Variants in PKNOX1 observed in about 807,000 individuals in gnomAD.
PKNOX1 encodes PBX/knotted 1 homeobox 1.
PKNOX1 carries 15 observed loss-of-function variants against 51.9 expected under a neutral mutation model. The ratio of observed to expected loss-of-function variants is 0.29; its 90% CI spans 0.19 to 0.45. The LOEUF (loss-of-function observed/expected upper bound fraction) is 0.45, where lower values mean the gene tolerates loss of function less well. Ranked by LOEUF, PKNOX1 falls within the 20% of genes least tolerant of loss-of-function variation. The probability of loss-of-function intolerance (pLI) is 1.00; values close to 1 mark genes in which losing one functional copy is unlikely to be tolerated. For synonymous variants in PKNOX1, 219 were observed against 211.1 expected, an observed-to-expected ratio of 1.04 and a Z score of -0.32; for missense variants, 462 against 547.5, an observed-to-expected ratio of 0.84 and a Z score of 1.56.
chr21:42,980,102 G>A (rs1165991121), intron 1 of PKNOX1, among the ~76,000 whole-genome samples: 2 of 152,156 alleles, frequency 1.3e-5, no homozygotes, highest in African/African-American at 4.8e-5. Context: ...GCCAGGTGCG[G>A]TGGCTCACAC....
intron 1 of PKNOX1, among the ~76,000 whole-genome samples, chr21:42,988,248 A>G (rs2059066351): frequency 6.6e-6 from 1 of 151,576 alleles, no homozygotes. Context: ...ATGGGGTTTC[A>G]CTATGTTGGC....
chr21:43,016,703 CTTG>C (rs1235664402), intron 5 of PKNOX1, among the ~76,000 whole-genome samples: 1 of 152,138 alleles, frequency 6.6e-6, no homozygotes, highest in Non-Finnish European at 1.5e-5. Context: ...TGCAGGCTGG[CTTG>C]TTGTGTTTAA....
At chr21:42,997,191 T>C (rs1239394672) in intron 1 of PKNOX1, among the ~76,000 whole-genome samples, 1 of 152,156 alleles carries the variant, frequency 6.6e-6, no homozygotes, top group African/African-American at 2.4e-5. Context: ...CCATATGCTG[T>C]TTATTTCATT....
At chr21:43,000,567 C>T (rs1978707414) in intron 1 of PKNOX1, among the ~76,000 whole-genome samples, 1 of 152,156 alleles carries the variant, frequency 6.6e-6, no homozygotes, top group Non-Finnish European at 1.5e-5. Context: ...TGGGTCCCTC[C>T]CACAACACGT....
At chr21:43,001,841 TC>T (rs907723421) in intron 1 of PKNOX1, among the ~76,000 whole-genome samples, 7 of 151,916 alleles carry the variant, frequency 4.6e-5, no homozygotes, top group African/African-American at 1.7e-4. Flanking sequence ...GCGCCTGTAG[TC>T]CCAGCTACTC....
At chr21:43,010,938 T>C (rs1156701546) in intron 4 of PKNOX1, among the ~76,000 whole-genome samples, 1 of 152,180 alleles carries the variant, frequency 6.6e-6, no homozygotes, top group Non-Finnish European at 1.5e-5. Flanking sequence ...GATTCAGTTC[T>C]CTGCACAGTG....
At position 43,021,480 on chromosome 21, in the gene PKNOX1, G is replaced by A. The variant is rs1601300402; in HGVS notation, c.849+49G>A. The A allele has an allele frequency of 6.5e-7, 1 of 1,535,190 alleles. No individual in the cohort carries two copies. The highest frequency in any genetic ancestry group is 8.8e-7 in the Non-Finnish European group (1 of 1,137,890). ...TGCCTTGCAGCCCTCTGCGACGCTTGCTCTCTGGCTTATGTGTCATGGAAA... is the reference window on the plus strand; with the variant it reads ...TGCCTTGCAGCCCTCTGCGACGCTTACTCTCTGGCTTATGTGTCATGGAAA... On this transcript the variant is annotated intron_variant, in intron 8 of 10. Transcript: ENST00000291547. This position sits in a 1 kb window ranked among gnomAD's most constrained non-coding sequence, Gnocchi z 4.6.
chr21:43,027,604 A>G (rs1416190911), intron 9 of PKNOX1, among the ~76,000 whole-genome samples: 1 of 152,182 alleles, frequency 6.6e-6, no homozygotes, highest in East Asian at 1.9e-4. Flanking sequence ...ATATGAAACA[A>G]TGTCCAGCCT....
intron 7 of PKNOX1, 34 bp downstream of exon 7, chr21:43,018,264 C>A (rs529334855): frequency 2.9e-6 from 4 of 1,387,128 alleles, no homozygotes; most frequent in Non-Finnish European, 4.1e-6. Context: ...GCTTTGGGGG[C>A]GAGTGCTGCC....
intron 1 of PKNOX1, among the ~76,000 whole-genome samples, chr21:42,991,777 C>T (rs2059089098): frequency 6.6e-6 from 1 of 151,838 alleles, no homozygotes; most frequent in South Asian, 2.1e-4. Context: ...TATTGTACAT[C>T]CTAGCAGGGT....
chr21:42,983,569 A>G (rs911371823), intron 1 of PKNOX1, among the ~76,000 whole-genome samples: 5 of 152,070 alleles, frequency 3.3e-5, no homozygotes, highest in African/African-American at 1.2e-4. Flanking sequence ...CCTTTTGACT[A>G]TTTTGAATAA....
At position 42,979,884 on chromosome 21, in the gene PKNOX1, A is replaced by G. The variant is rs570202838; in HGVS notation, c.-57+5220A>G. On this transcript the variant is annotated intron_variant, in intron 1 of 10. Coordinates refer to ENST00000291547, the MANE Select transcript of PKNOX1 (RefSeq NM_004571.5). ...ATCAGTGAAGGATGCTTTTCACTTCAGACATTTAAAAGTGTGCCTTAGAAT... is the reference window on the plus strand; with the variant it reads ...ATCAGTGAAGGATGCTTTTCACTTCGGACATTTAAAAGTGTGCCTTAGAAT... Among the ~76,000 whole-genome samples, 54 of 152,342 alleles carry G rather than the reference A, an allele frequency of 3.5e-4. No homozygotes were observed. In the South Asian group the frequency reaches 8.7e-3, roughly 25 times the overall value.
At chr21:43,024,847 G>C (rs1979923209) in intron 8 of PKNOX1, 24 bp from the exon 9 acceptor site, 1 of 1,503,006 alleles carries the variant, frequency 6.7e-7, no homozygotes, top group Non-Finnish European at 9.3e-7. Context: ...GAAGGCCATG[G>C]TAACCTTCTT....
At chr21:42,974,897 C>G (rs183779445) in intron 1 of PKNOX1, among the ~76,000 whole-genome samples, 14,103 of 147,240 alleles carry the variant, frequency 0.096, 775 homozygotes, top group Non-Finnish European at 0.12. Flanking sequence ...GCGCCTTCAG[C>G]CCAACCGGCG....
chr21:43,027,933 G>C (rs1027245431), intron 9 of PKNOX1, among the ~76,000 whole-genome samples: 1 of 152,070 alleles, frequency 6.6e-6, no homozygotes. Flanking sequence ...CAGAAACAAT[G>C]TCCAGCCTGC....
At chr21:43,026,295 A>G (rs1412095924) in intron 9 of PKNOX1, among the ~76,000 whole-genome samples, 1 of 152,258 alleles carries the variant, frequency 6.6e-6, no homozygotes, top group Non-Finnish European at 1.5e-5. Flanking sequence ...GTTTAATAAT[A>G]TAACTTAAAA....
intron 1 of PKNOX1, among the ~76,000 whole-genome samples, chr21:42,990,230 GCC>G (rs1319220186): frequency 2.1e-4 from 32 of 152,096 alleles, no homozygotes; most frequent in Admixed American, 2.1e-3. Flanking sequence ...CTGCACTCCA[GCC>G]CGGGTGACAG....
intron 1 of PKNOX1, among the ~76,000 whole-genome samples, chr21:42,985,593 C>T (rs1353743620): frequency 3.3e-5 from 5 of 152,086 alleles, no homozygotes; most frequent in Admixed American, 3.3e-4. Context: ...CCTCGACCTC[C>T]CACAATGCTG....
intron 1 of PKNOX1, among the ~76,000 whole-genome samples, chr21:42,984,425 G>A (rs760426561): frequency 6.6e-6 from 1 of 151,208 alleles, no homozygotes; most frequent in Non-Finnish European, 1.5e-5. Context: ...TTTTGCTCTT[G>A]TTGCTCAGGC....
Sources: gnomAD v4.1 joint callset for allele counts (sites outside exome capture counted in the v4.1 genomes callset) on GRCh38, gnomAD v4.1.1 for gene constraint, Gnocchi (gnomAD v3.1) non-coding constraint, MANE v1.5 for transcripts, NCBI Gene and HGNC (gene_info 2026-07-23, HGNC 2026-07-21) for gene names.